The following NAV3 variants were observed in gnomAD, a reference collection of about 807,000 sequenced individuals.
The protein encoded by NAV3 is neuron navigator 3, also known as pore membrane and/or filament interacting like protein 1.
Under a neutral mutation model 244.7 loss-of-function variants are expected in NAV3, and 87 were observed. The ratio of observed to expected loss-of-function variants is 0.36; its 90% CI spans 0.30 to 0.42. The LOEUF is 0.42. Among genes scored for constraint, NAV3 ranks in the 20% least tolerant of loss-of-function variants. The pLI is 1.00. For missense variants in NAV3, 2,663 were observed against 2,893.3 expected (o/e 0.92, Z 1.83); for synonymous variants, 1,126 against 1,042.2 (o/e 1.08, Z -1.55).
intron 3 of NAV3, among the ~76,000 whole-genome samples, chr12:77,943,155 T>G (rs545969308): frequency 2.6e-5 from 4 of 152,284 alleles, no homozygotes; most frequent in Non-Finnish European, 5.9e-5. Flanking sequence ...TTCCTAGAGA[T>G]TCTACAAATC....
chr12:77,960,248 A>G (rs60353012), intron 3 of NAV3, among the ~76,000 whole-genome samples: 5,554 of 152,018 alleles, frequency 0.037, 172 homozygotes, highest in African/African-American at 0.088. Context: ...ATTATTTCCA[A>G]TTAGGGTTTA....
At chr12:78,170,887 A>G (rs141121272) in intron 24 of NAV3, among the ~76,000 whole-genome samples, 172 of 151,790 alleles carry the variant, frequency 1.1e-3, no homozygotes, top group African/African-American at 3.7e-3. Flanking sequence ...GGAAGCAGCA[A>G]TACTTCCCTT....
intron 37 of NAV3, 50 bp from the exon 38 acceptor site, chr12:78,200,423 A>C: frequency 8.6e-7 from 1 of 1,162,206 alleles, no homozygotes; most frequent in Non-Finnish European, 1.2e-6. Context: ...ATATGTGTTT[A>C]GATTATTAAA....
At position 77,951,145 on chromosome 12, in the gene NAV3, G is replaced by A. The variant is rs533543801; in HGVS notation, c.414+10012G>A. On this transcript the variant is annotated intron_variant, in intron 3 of 39. Transcript: ENST00000397909. ...GAGTGAACAGGCAACCTACAAAATG[G>A]GAGAAAAGTTTTGCAATCTACTCAT... Among the ~76,000 whole-genome samples the A allele has an allele frequency of 1.1e-4, 16 of 152,170 alleles. No individual in the cohort carries two copies. In the East Asian group the frequency reaches 2.9e-3, roughly 28 times the overall value.
intron 2 of NAV3, among the ~76,000 whole-genome samples, chr12:77,714,970 C>T (rs1811094468): frequency 6.6e-6 from 1 of 151,990 alleles, no homozygotes; most frequent in African/African-American, 2.4e-5. Flanking sequence ...ATTTATTTAA[C>T]TCACAAATAT....
chr12:78,158,756 G>C (rs1464500346), intron 22 of NAV3, among the ~76,000 whole-genome samples: 1 of 152,092 alleles, frequency 6.6e-6, no homozygotes, highest in Admixed American at 6.6e-5. Context: ...CATTACAATA[G>C]AGCAGCTAAC....
chr12:77,858,100 A>G (rs1465049022), intron 1 of NAV3, among the ~76,000 whole-genome samples: 2 of 152,080 alleles, frequency 1.3e-5, no homozygotes, highest in East Asian at 3.8e-4. Context: ...GGAGAGTTCC[A>G]AGGGAGTTAG....
intron 2 of NAV3, among the ~76,000 whole-genome samples, chr12:77,615,145 A>G (rs762859730): frequency 6.6e-6 from 1 of 152,192 alleles, no homozygotes; most frequent in Non-Finnish European, 1.5e-5. Context: ...ATTTTCTTCA[A>G]CTTGGATTTC....
intron 3 of NAV3, among the ~76,000 whole-genome samples, chr12:77,960,439 A>ATG (rs1891782366): frequency 1.5e-5 from 1 of 64,962 alleles, no homozygotes; most frequent in Admixed American, 2.0e-4. Flanking sequence ...GGCCAGTCAT[A>ATG]TATATATATA....
At chr12:77,572,379 C>T (rs1329689180) in intron 2 of NAV3, 1 of 152,394 alleles carries the variant, frequency 6.6e-6, no homozygotes, top group Non-Finnish European at 1.5e-5. Context: ...TCACGGAAAT[C>T]AACCCTGCTG....
rs180890268 is a variant in NAV3, at chr12:78,189,311, T to G, written c.6055+534T>G. 2.9e-3 allele frequency among the ~76,000 whole-genome samples: 446 copies of G among 151,976 alleles called. 2 individuals carry two copies. The highest frequency in any genetic ancestry group is 0.011 in the African/African-American group (437 of 41,544). ...CTTCACAATTCCTTGTTTATTTATGTTAAAGAATCAGGATACATCTATATA... is the reference window on the plus strand; with the variant it reads ...CTTCACAATTCCTTGTTTATTTATGGTAAAGAATCAGGATACATCTATATA... On this transcript the variant is annotated intron_variant, in intron 33 of 39. Coordinates refer to ENST00000397909, the MANE Select transcript of NAV3 (RefSeq NM_001024383.2).
chr12:78,122,457 T>A (rs2138709339), intron 16 of NAV3, 29 bp downstream of exon 16: 1 of 1,542,136 alleles, frequency 6.5e-7, no homozygotes. Flanking sequence ...ATTGATAACA[T>A]CTTCCCCCTC....
At chr12:78,066,727 C>T (rs1292054239) in intron 12 of NAV3, among the ~76,000 whole-genome samples, 1 of 151,918 alleles carries the variant, frequency 6.6e-6, no homozygotes, top group African/African-American at 2.4e-5. Context: ...CATAATACAT[C>T]ATAGAAATTA....
At chr12:77,951,682 A>G (rs963722779) in intron 3 of NAV3, among the ~76,000 whole-genome samples, 6 of 152,262 alleles carry the variant, frequency 3.9e-5, no homozygotes, top group African/African-American at 9.6e-5. Context: ...ATGTCCATCA[A>G]TGATAGACTG....
chr12:78,180,747 C>A (rs931010082), intron 29 of NAV3, 124 bp from the exon 30 acceptor site: 5 of 776,678 alleles, frequency 6.4e-6, no homozygotes, highest in Non-Finnish European at 1.0e-5. Flanking sequence ...TCTTATATTT[C>A]TTTATTTAAC....
intron 18 of NAV3, 30 bp from the exon 19 acceptor site, chr12:78,137,147 G>A (rs1444306490): frequency 6.3e-7 from 1 of 1,588,684 alleles, no homozygotes; most frequent in Non-Finnish European, 8.6e-7. Flanking sequence ...AAGCTTAAGA[G>A]TAATAGGCTC....
rs981010408 is a variant in NAV3 at position 77,821,882 on chromosome 12, G to GT, written c.73-118430dup. 1.8e-3 allele frequency among the ~76,000 whole-genome samples: 271 copies of GT among 152,090 alleles called. 2 individuals carry two copies. Among genetic ancestry groups the GT allele is most frequent in the African/African-American group, 6.2e-3 (257 of 41,520 alleles). ...AAGAATAGTTCTTTCAAGCATAACT[G>GT]TTTTTTTAGGTTGCATTTTTTTAGC... is the stretch of plus-strand genomic sequence containing the variant. On this transcript the variant is annotated intron_variant, in intron 2 of 8. Coordinates refer to the NAV3 transcript ENST00000550042.
At chr12:78,140,220 A>T in intron 19 of NAV3, 62 bp from the exon 20 acceptor site, 1 of 1,390,592 alleles carries the variant, frequency 7.2e-7, no homozygotes, top group Admixed American at 1.8e-5. Flanking sequence ...TTTTCTGTAA[A>T]GGCTGGAATT....
At chr12:78,177,021 C>A in intron 26 of NAV3, 120 bp from the exon 27 acceptor site, 1 of 884,744 alleles carries the variant, frequency 1.1e-6, no homozygotes, top group Non-Finnish European at 1.8e-6. Context: ...ATTGTTAATA[C>A]TCTGCTTGTA....
Sources: gnomAD v4.1 joint callset for allele counts (sites outside exome capture counted in the v4.1 genomes callset) on GRCh38, gnomAD v4.1.1 for gene constraint, MANE v1.5 for transcripts, NCBI Gene and HGNC (gene_info 2026-07-23, HGNC 2026-07-21) for gene names.